The following KCNN2 variants were observed in gnomAD, a reference collection of about 807,000 sequenced individuals.
KCNN2 encodes the protein potassium calcium-activated channel subfamily N member 2, also known as small conductance calcium-activated potassium channel protein 2.
In KCNN2, 24 loss-of-function variants were observed where a neutral mutation model predicts 55.5. That is an observed-to-expected ratio of 0.43 (90% CI 0.31 to 0.61). The LOEUF is 0.61. KCNN2 is among the 20% of genes least tolerant of loss of function. KCNN2 has a pLI of 0.08. For synonymous variants in KCNN2, 431 were observed against 336.1 expected (o/e 1.28, Z -3.09); for missense variants, 754 against 853.6 (o/e 0.88, Z 1.45).
intron 1 of KCNN2, among the ~76,000 whole-genome samples, chr5:114,083,923 A>G (rs1349030147): frequency 5.3e-5 from 8 of 152,024 alleles, no homozygotes; most frequent in Admixed American, 5.2e-4. Flanking sequence ...GAATGTTGGA[A>G]TCGTAGTATG....
chr5:114,103,444 C>G (rs1751414356), intron 1 of KCNN2, among the ~76,000 whole-genome samples: 1 of 152,054 alleles, frequency 6.6e-6, no homozygotes. Flanking sequence ...TTACCCTGGC[C>G]AGAACTTCCA....
At chr5:114,150,008 G>C (rs1752488089) in intron 1 of KCNN2, among the ~76,000 whole-genome samples, 1 of 152,124 alleles carries the variant, frequency 6.6e-6, no homozygotes, top group Non-Finnish European at 1.5e-5. Flanking sequence ...ATGAACATCT[G>C]CTTTTCTGGG....
At chr5:114,352,908 G>T (rs924417879) in intron 2 of KCNN2, among the ~76,000 whole-genome samples, 1 of 151,768 alleles carries the variant, frequency 6.6e-6, no homozygotes, top group Non-Finnish European at 1.5e-5. Flanking sequence ...GGTACAGTTG[G>T]TTTATACTGC....
chr5:114,088,864 AC>A (rs1161624908), intron 1 of KCNN2, among the ~76,000 whole-genome samples: 4 of 151,990 alleles, frequency 2.6e-5, no homozygotes, highest in Admixed American at 1.3e-4. Context: ...CAAGTGATCC[AC>A]CCACTTTGTC....
intron 1 of KCNN2, among the ~76,000 whole-genome samples, chr5:114,156,981 C>T (rs1343063747): frequency 2.0e-5 from 3 of 151,318 alleles, no homozygotes; most frequent in African/African-American, 7.3e-5. Context: ...ACTGGAAATG[C>T]ACTTTGGGAT....
chr5:114,290,587 C>T (rs192535723), intron 2 of KCNN2, among the ~76,000 whole-genome samples: 2 of 152,000 alleles, frequency 1.3e-5, no homozygotes, highest in Admixed American at 1.3e-4. Flanking sequence ...TCACTATTCT[C>T]TAATTTTTAT....
intron 1 of KCNN2, among the ~76,000 whole-genome samples, chr5:114,116,271 A>C (rs2954376): frequency 0.024 from 3,629 of 152,232 alleles, 143 homozygotes; most frequent in African/African-American, 0.082. Flanking sequence ...GGAAAACAAA[A>C]CAAAGGAGGT....
At chr5:114,171,919 G>A (rs1208790789) in intron 1 of KCNN2, among the ~76,000 whole-genome samples, 1 of 151,850 alleles carries the variant, frequency 6.6e-6, no homozygotes, top group Non-Finnish European at 1.5e-5. Context: ...GAACTTATCA[G>A]TATAATTATC....
At chr5:114,411,340 A>G (rs1305909140) in intron 3 of KCNN2, among the ~76,000 whole-genome samples, 8 of 152,120 alleles carry the variant, frequency 5.3e-5, no homozygotes, top group Admixed American at 5.2e-4. Context: ...CACAACCAAG[A>G]GGATATAGAT....
intron 1 of KCNN2, among the ~76,000 whole-genome samples, chr5:114,088,117 C>G (rs919376090): frequency 3.9e-5 from 6 of 152,002 alleles, no homozygotes; most frequent in African/African-American, 1.4e-4. Context: ...ATTTCACCTT[C>G]ATTTTTGAAG....
At chr5:114,288,572 T>A (rs1755810954) in intron 2 of KCNN2, among the ~76,000 whole-genome samples, 1 of 151,710 alleles carries the variant, frequency 6.6e-6, no homozygotes, top group African/African-American at 2.4e-5. Context: ...CTTGTTGGTG[T>A]AAGGTGGTAT....
intron 1 of KCNN2, among the ~76,000 whole-genome samples, chr5:114,199,090 A>C (rs1347823729): frequency 6.6e-6 from 1 of 152,022 alleles, no homozygotes; most frequent in South Asian, 2.1e-4. Flanking sequence ...TATTTGTTTC[A>C]TGAATTTGGA....
chr5:114,334,963 G>A (rs1464231317), intron 2 of KCNN2, among the ~76,000 whole-genome samples: 2 of 151,916 alleles, frequency 1.3e-5, no homozygotes, highest in African/African-American at 2.4e-5. Flanking sequence ...TCGCTCTGTC[G>A]CCCAGGCTGG....
At chr5:114,454,604 A>C (rs1168856104) in intron 3 of KCNN2, among the ~76,000 whole-genome samples, 1 of 152,156 alleles carries the variant, frequency 6.6e-6, no homozygotes, top group Non-Finnish European at 1.5e-5. Flanking sequence ...AGAGACTAGA[A>C]ATGCTACTGT....
In KCNN2 at chr5:114,493,486, GCTT is replaced by G; in HGVS notation, c.2088+15_2088+17del. 6.3e-7 allele frequency: 1 copy of G among 1,589,028 alleles called. No homozygotes were observed. Among genetic ancestry groups the G allele is most frequent in the East Asian group, 2.2e-5 (1 of 44,658 alleles). On this transcript the variant is annotated intron_variant, in intron 7 of 7. Transcript: ENST00000673685. Reference sequence around the variant, plus strand: ...GACTTGGCAAAGGTAAGCCTGAGGTGCTTAGCCCTCCTAGTTGCATCTGTTGAA... The same window carrying G: ...GACTTGGCAAAGGTAAGCCTGAGGTGAGCCCTCCTAGTTGCATCTGTTGAA...
chr5:114,250,319 T>G (rs1307286086), intron 2 of KCNN2, among the ~76,000 whole-genome samples: 1 of 152,158 alleles, frequency 6.6e-6, no homozygotes, highest in African/African-American at 2.4e-5. Context: ...CTGGGGAACT[T>G]GACAGAGCTT....
intron 1 of KCNN2, among the ~76,000 whole-genome samples, chr5:114,109,323 G>T (rs1751548422): frequency 6.6e-6 from 1 of 152,016 alleles, no homozygotes; most frequent in Admixed American, 6.6e-5. Context: ...CTGGCAGCAG[G>T]GTACAAGTTA....
intron 1 of KCNN2, among the ~76,000 whole-genome samples, chr5:114,106,652 T>C (rs1221524524): frequency 6.6e-6 from 1 of 151,282 alleles, no homozygotes; most frequent in East Asian, 1.9e-4. Flanking sequence ...TGTTTTTTTT[T>C]TTTTTTTGGT....
chr5:114,385,301 C>T (rs1308383768), intron 2 of KCNN2, among the ~76,000 whole-genome samples: 1 of 152,036 alleles, frequency 6.6e-6, no homozygotes, highest in Non-Finnish European at 1.5e-5. Flanking sequence ...AGTCCCCAGC[C>T]ACCAAACCTT....
Sources: gnomAD v4.1 joint callset for allele counts (sites outside exome capture counted in the v4.1 genomes callset) on GRCh38, gnomAD v4.1.1 for gene constraint, MANE v1.5 for transcripts, NCBI Gene and HGNC (gene_info 2026-07-23, HGNC 2026-07-21) for gene names.